The following CIP2A variants were observed in gnomAD, a reference collection of about 807,000 sequenced individuals.
CIP2A encodes the protein cellular inhibitor of PP2A, also known as protein CIP2A.
CIP2A carries 103 observed loss-of-function variants against 110.9 expected under a neutral mutation model. The ratio of observed to expected loss-of-function variants is 0.93; its 90% confidence interval spans 0.79 to 1.09. CIP2A has a LOEUF of 1.09. CIP2A is among the 50% of genes least tolerant of loss of function. The pLI is 0.00. For missense variants in CIP2A, 1,088 were observed against 1,038.4 expected, an observed-to-expected ratio of 1.05 and a Z score of -0.66; for synonymous variants, 381 against 361.6, an observed-to-expected ratio of 1.05 and a Z score of -0.61.
intron 8 of CIP2A, among the ~76,000 whole-genome samples, chr3:108,571,944 T>C (rs1345959625): frequency 6.6e-6 from 1 of 152,150 alleles, no homozygotes; most frequent in Non-Finnish European, 1.5e-5. Context: ...GATACTACCA[T>C]TTAAATCTGC....
At chr3:108,575,699 T>C (rs147448173) in intron 8 of CIP2A, among the ~76,000 whole-genome samples, 5 of 23,648 alleles carry the variant, frequency 2.1e-4, no homozygotes, top group East Asian at 7.3e-4. Flanking sequence ...TATATATACG[T>C]GTATATATAC....
At chr3:108,566,452 T>G (rs747109299) in intron 11 of CIP2A, 45 bp downstream of exon 11, 2 of 1,540,120 alleles carry the variant, frequency 1.3e-6, no homozygotes, top group East Asian at 4.8e-5. Context: ...CATCTTTCGA[T>G]TTTTTACTGC....
intron 20 of CIP2A, 123 bp downstream of exon 20, chr3:108,552,111 T>G: frequency 1.5e-6 from 1 of 659,464 alleles, no homozygotes; most frequent in Non-Finnish European, 2.4e-6. Flanking sequence ...TCAAGCTGCT[T>G]TGAGATCCTA....
intron 8 of CIP2A, among the ~76,000 whole-genome samples, chr3:108,570,466 A>G (rs1474068250): frequency 6.6e-6 from 1 of 152,150 alleles, no homozygotes; most frequent in Admixed American, 6.6e-5. Context: ...TTGTGTGAAC[A>G]TCGTAAGAGT....
At chr3:108,583,192 T>C (rs979260721) in intron 2 of CIP2A, 109 bp from the exon 3 acceptor site, 8 of 500,366 alleles carry the variant, frequency 1.6e-5, no homozygotes, top group South Asian at 6.0e-5. Flanking sequence ...AGGTATGATA[T>C]GGCTATTTTC....
At chr3:108,589,198 G>A in intron 1 of CIP2A, 76 bp downstream of exon 1, 23 of 1,076,812 alleles carry the variant, frequency 2.1e-5, no homozygotes, top group Non-Finnish European at 2.7e-5. Context: ...GGCTGGGGCC[G>A]CCACTCCTCG....
intron 8 of CIP2A, among the ~76,000 whole-genome samples, chr3:108,573,404 A>G (rs1287084821): frequency 6.6e-6 from 1 of 151,932 alleles, no homozygotes; most frequent in Non-Finnish European, 1.5e-5. Flanking sequence ...CTTCTATCAT[A>G]ACGCGAATTA....
chr3:108,585,785 G>C, intron 1 of CIP2A: 1 of 453,118 alleles, frequency 2.2e-6, no homozygotes, highest in South Asian at 1.6e-5. Flanking sequence ...GAAGTGAAAA[G>C]TGAATCTTTT....
In CIP2A at chr3:108,576,421, T is replaced by C. The variant is rs1310462191; in HGVS notation, c.819-75A>G. ...CATCAAAAGGGATTTATCTACAAGA[T>C]AAATATAAAATTTATGTGTATTTTC... On this transcript the variant is annotated intron_variant, in intron 7 of 20. Coordinates refer to ENST00000295746, the MANE Select transcript of CIP2A (RefSeq NM_020890.3). The C allele has an allele frequency of 1.2e-5, 9 of 771,708 alleles. No individual in the cohort carries two copies. The East Asian group carries it at 2.7e-4, about 23-fold the overall frequency. 47.8% of individuals were successfully genotyped at this position (771,708 alleles called of 1,614,324 possible). A position where few individuals can be genotyped will look rare whatever the true frequency, so the allele number is the denominator to read the frequency against.
intron 11 of CIP2A, 34 bp downstream of exon 11, chr3:108,566,463 C>A: frequency 6.4e-7 from 1 of 1,562,346 alleles, no homozygotes; most frequent in South Asian, 1.2e-5. Flanking sequence ...TTTTTACTGC[C>A]TTGCCATTTT....
intron 8 of CIP2A, among the ~76,000 whole-genome samples, chr3:108,572,637 T>C (rs1938437810): frequency 6.6e-6 from 1 of 152,106 alleles, no homozygotes; most frequent in Non-Finnish European, 1.5e-5. Context: ...TCATGTTCTA[T>C]TTGTCACGAG....
intron 8 of CIP2A, among the ~76,000 whole-genome samples, chr3:108,575,333 T>C (rs541654599): frequency 2.7e-5 from 4 of 148,554 alleles, no homozygotes; most frequent in East Asian, 3.9e-4. Context: ...CACACACGTG[T>C]ATATATACAT....
chr3:108,555,253 C>G (rs1937748887), intron 17 of CIP2A, among the ~76,000 whole-genome samples: 1 of 152,122 alleles, frequency 6.6e-6, no homozygotes, highest in Admixed American at 6.5e-5. Context: ...CTTAGGTTCT[C>G]TATGTGAGAC....
Position 108,589,336 on chromosome 3 carries a change from C to A in CIP2A, c.40G>T (p.Val14Phe), listed in dbSNP as rs1414474010. 59 of 1,613,872 alleles carry A rather than the reference C, an allele frequency of 3.7e-5. No individual in the cohort carries two copies. Among genetic ancestry groups the A allele is most frequent in the Non-Finnish European group, 4.8e-5 (57 of 1,179,960 alleles). Residue 14 changes from valine to phenylalanine, a missense_variant, in exon 1 of 21, where the codon GTC (valine) becomes TTC (phenylalanine). Physicochemically the swap from Val to Phe is conservative, Grantham distance 50 (BLOSUM62 -1). Transcript: ENST00000295746. ...GACTTCACGGCTTTGTACTGACTGA[C>A]AGTCAGGAGCAAGGACTTCAAGCAG... ...TACLKSLLLT[V>F]SQYKAVKSEA...
chr3:108,575,234 T>A (rs1938535089), intron 8 of CIP2A, among the ~76,000 whole-genome samples: 1 of 152,022 alleles, frequency 6.6e-6, no homozygotes, highest in Non-Finnish European at 1.5e-5. Flanking sequence ...TGCTTTTATT[T>A]ATACAAAGTT....
intron 13 of CIP2A, among the ~76,000 whole-genome samples, chr3:108,561,097 T>C (rs957984691): frequency 1.3e-5 from 2 of 152,108 alleles, no homozygotes; most frequent in East Asian, 1.9e-4. Context: ...AGTTTATGAG[T>C]GTGGATTATC....
Position 108,569,396 on chromosome 3 carries a change from A to G in CIP2A, c.1106T>C (p.Ile369Thr). Reference sequence around the variant, plus strand: ...TGTCAGTCATCCTATTACCTCAAATATTTCCTTGAACAACTCCAATGCTAA... The same window carrying G: ...TGTCAGTCATCCTATTACCTCAAATGTTTCCTTGAACAACTCCAATGCTAA... ...SVLALELFKE[I>T]FEDVIDAANC... Residue 369 changes from isoleucine to threonine, a missense_variant, in exon 9 of 21, where the codon ATA (isoleucine) becomes ACA (threonine). Transcript: ENST00000295746. 6.2e-7 allele frequency: 1 copy of G among 1,610,568 alleles called. No homozygotes were observed. The highest frequency in any genetic ancestry group is 1.7e-5 in the Admixed American group (1 of 59,752).
chr3:108,575,330 G>C lies in CIP2A; in HGVS notation c.894+941C>G, dbSNP rs572718205. ...TACACACACGTGCATGTACACACAC[G>C]TGTATATATACATATACACACATGT... On this transcript the variant is annotated intron_variant, in intron 8 of 20. Coordinates refer to ENST00000295746, the MANE Select transcript of CIP2A (RefSeq NM_020890.3). Among the ~76,000 whole-genome samples the C allele has an allele frequency of 2.7e-5, 4 of 147,232 alleles. No individual in the cohort carries two copies. The South Asian group carries it at 6.4e-4, about 23-fold the overall frequency.
rs1328679279 is a variant in CIP2A at position 108,550,003 on chromosome 3, T to A, written c.*1146A>T. 1 of 152,044 alleles carries A rather than the reference T, an allele frequency of 6.6e-6. No individual in the cohort carries two copies. Among genetic ancestry groups the A allele is most frequent in the East Asian group, 1.9e-4 (1 of 5,204 alleles). 9.4% of individuals were successfully genotyped at this position (152,044 alleles called of 1,614,324 possible). A position where few individuals can be genotyped will look rare whatever the true frequency, so the allele number is the denominator to read the frequency against. On this transcript the variant is annotated 3_prime_UTR_variant, in exon 21 of 21. Transcript: ENST00000295746. ...GAACAAATAGTAATTTAAAATGTTT[T>A]ACTCTGCATAATATTTTTTAAAAAA...
Sources: allele counts gnomAD v4.1 joint callset (sites outside exome capture counted in the v4.1 genomes callset), GRCh38; gene constraint gnomAD v4.1.1; transcripts MANE v1.5; gene names NCBI Gene and HGNC (gene_info 2026-07-23, HGNC 2026-07-21).